The following RAB8B variants were observed in gnomAD, a reference collection of about 807,000 sequenced individuals.
RAB8B encodes the protein ras-related protein Rab-8B.
A neutral mutation model predicts 32.0 loss-of-function variants in RAB8B; 11 were observed. The observed-to-expected ratio is 0.34, with a 90% CI of 0.22 to 0.57. RAB8B has a LOEUF of 0.57. Among genes scored for constraint, RAB8B ranks in the 20% least tolerant of loss-of-function variants. The probability of loss-of-function intolerance (pLI) is 0.86; values close to 1 mark genes in which losing one functional copy is unlikely to be tolerated. For synonymous variants in RAB8B, 103 were observed against 89.6 expected (o/e 1.15, Z -0.85); for missense variants, 190 against 258.5 (o/e 0.73, Z 1.82).
intron 1 of RAB8B, chr15:63,223,747 A>G (rs11632192): frequency 0.4 from 101,129 of 253,080 alleles, 22,528 homozygotes; most frequent in Non-Finnish European, 0.51. Flanking sequence ...GTTAAGTGAC[A>G]CATGACTGTA....
chr15:63,204,744 C>G (rs574470758), intron 1 of RAB8B, among the ~76,000 whole-genome samples: 2 of 152,334 alleles, frequency 1.3e-5, no homozygotes, highest in East Asian at 3.9e-4. Flanking sequence ...CATACTTTTA[C>G]AGTATCAATA....
At chr15:63,223,888 A>G (rs1408236080) in intron 1 of RAB8B, 1 of 435,122 alleles carries the variant, frequency 2.3e-6, no homozygotes, top group Non-Finnish European at 4.6e-6. Flanking sequence ...CCATTTTATT[A>G]TCCCACAAAA....
At chr15:63,220,809 G>A (rs1434872837) in intron 1 of RAB8B, among the ~76,000 whole-genome samples, 3 of 152,164 alleles carry the variant, frequency 2.0e-5, no homozygotes, top group South Asian at 2.1e-4. Flanking sequence ...AGTACTGTAA[G>A]TAAAAGATGA....
intron 1 of RAB8B, among the ~76,000 whole-genome samples, chr15:63,194,531 C>A (rs1400852732): frequency 6.6e-6 from 1 of 152,190 alleles, no homozygotes; most frequent in Non-Finnish European, 1.5e-5. Context: ...GTCCTTTGCC[C>A]TTTCTGTGTC....
At chr15:63,223,597 C>A (rs540545798) in intron 1 of RAB8B, among the ~76,000 whole-genome samples, 17 of 152,284 alleles carry the variant, frequency 1.1e-4, no homozygotes, top group African/African-American at 3.4e-4. Context: ...GTAGTACATG[C>A]TATGATGTTT....
chr15:63,201,586 A>G (rs776219501), intron 1 of RAB8B, among the ~76,000 whole-genome samples: 54 of 152,204 alleles, frequency 3.5e-4, no homozygotes, highest in Non-Finnish European at 6.3e-4. Flanking sequence ...GAGCCACTGT[A>G]GGATCATATA....
intron 2 of RAB8B, among the ~76,000 whole-genome samples, chr15:63,249,211 A>T (rs1022248696): frequency 2.6e-5 from 4 of 152,136 alleles, no homozygotes; most frequent in African/African-American, 7.2e-5. Flanking sequence ...GTCCAGCTCG[A>T]TTGCTTGCTT....
At chr15:63,242,400 C>T (rs902516739) in intron 1 of RAB8B, among the ~76,000 whole-genome samples, 1 of 152,050 alleles carries the variant, frequency 6.6e-6, no homozygotes, top group Admixed American at 6.5e-5. Context: ...CTGGAGTTGG[C>T]TGGGTGGCTC....
At chr15:63,217,596 C>G (rs1371609886) in intron 1 of RAB8B, among the ~76,000 whole-genome samples, 1 of 152,140 alleles carries the variant, frequency 6.6e-6, no homozygotes, top group African/African-American at 2.4e-5. Flanking sequence ...GTGTTTTCCC[C>G]AAGCTTGAGA....
intron 3 of RAB8B, among the ~76,000 whole-genome samples, chr15:63,253,980 G>C (rs2038139153): frequency 1.3e-5 from 2 of 152,166 alleles, no homozygotes; most frequent in African/African-American, 4.8e-5. Flanking sequence ...ATCACAAGGG[G>C]ATATCTATTG....
intron 1 of RAB8B, among the ~76,000 whole-genome samples, chr15:63,242,032 G>A (rs2141134636): frequency 6.6e-6 from 1 of 151,148 alleles, no homozygotes; most frequent in East Asian, 2.0e-4. Flanking sequence ...TTATCAGATT[G>A]CATTAGGTTG....
intron 1 of RAB8B, among the ~76,000 whole-genome samples, chr15:63,230,673 G>A (rs951335430): frequency 6.6e-6 from 1 of 152,104 alleles, no homozygotes; most frequent in Non-Finnish European, 1.5e-5. Flanking sequence ...AGGCCTGCAG[G>A]AGAGAGTATG....
At chr15:63,232,326 A>G (rs1424054194) in intron 1 of RAB8B, among the ~76,000 whole-genome samples, 1 of 152,204 alleles carries the variant, frequency 6.6e-6, no homozygotes, top group African/African-American at 2.4e-5. Context: ...TCGAGACTCA[A>G]ATAGAGACAT....
chr15:63,253,582 G>A lies in RAB8B; in HGVS notation c.247-1925G>A, dbSNP rs111596529. 2.7e-3 allele frequency among the ~76,000 whole-genome samples: 409 copies of A among 152,098 alleles called. 1 individual carries two copies. The highest frequency in any genetic ancestry group is 5.2e-3 in the Non-Finnish European group (352 of 68,000). On this transcript the variant is annotated intron_variant, in intron 3 of 7. Transcript: ENST00000321437. ...CCGTAATCTCAGCAGCTCGGGAGGC[G>A]GAGGTGGGAGGACTGCTTGAGTTCA...
intron 5 of RAB8B, among the ~76,000 whole-genome samples, chr15:63,258,877 TGTGA>T (rs577492515): frequency 9.4e-4 from 143 of 152,274 alleles, no homozygotes; most frequent in African/African-American, 3.3e-3. Flanking sequence ...ATTTTTAATC[TGTGA>T]GTCAGAAAAG....
At chr15:63,191,533 AT>A (rs1308939259) in intron 1 of RAB8B, among the ~76,000 whole-genome samples, 1 of 152,196 alleles carries the variant, frequency 6.6e-6, no homozygotes, top group African/African-American at 2.4e-5. Flanking sequence ...TATTCCTAAG[AT>A]TTGGTGGTAG....
intron 1 of RAB8B, among the ~76,000 whole-genome samples, chr15:63,205,287 G>A (rs1217047781): frequency 1.3e-5 from 2 of 152,166 alleles, no homozygotes; most frequent in Non-Finnish European, 2.9e-5. Context: ...GTGACAGAGT[G>A]AGACTCCATC....
At chr15:63,237,182 T>C (rs1270329578) in intron 1 of RAB8B, among the ~76,000 whole-genome samples, 3 of 152,260 alleles carry the variant, frequency 2.0e-5, no homozygotes, top group African/African-American at 7.2e-5. Flanking sequence ...AAATCTTGGC[T>C]ATTGTGAATA....
At chr15:63,218,421 G>A (rs938809783) in intron 1 of RAB8B, among the ~76,000 whole-genome samples, 2 of 152,210 alleles carry the variant, frequency 1.3e-5, no homozygotes, top group African/African-American at 4.8e-5. Flanking sequence ...TATCTGCTGA[G>A]CAGGGATCTC....
Sources: gnomAD v4.1 joint callset for allele counts (sites outside exome capture counted in the v4.1 genomes callset) on GRCh38, gnomAD v4.1.1 for gene constraint, MANE v1.5 for transcripts, NCBI Gene and HGNC (gene_info 2026-07-23, HGNC 2026-07-21) for gene names.